The following ERBB4 variants were observed in gnomAD, a reference collection of about 807,000 sequenced individuals.
ERBB4 encodes the protein receptor tyrosine-protein kinase erbB-4.
In ERBB4, 42 loss-of-function variants were observed where a neutral mutation model predicts 158.0. The ratio of observed to expected loss-of-function variants is 0.27; its 90% confidence interval spans 0.21 to 0.34. ERBB4 has a LOEUF of 0.34. Among genes scored for constraint, ERBB4 ranks in the 10% least tolerant of loss-of-function variants. ERBB4 has a pLI of 1.00. For missense variants in ERBB4, 1,333 were observed against 1,624.1 expected (o/e 0.82, Z 3.08); for synonymous variants, 583 against 558.7 (o/e 1.04, Z -0.61).
rs565144596 is a variant in ERBB4 at position 211,664,726 on chromosome 2, T to C, written c.1871+597A>G. ...GAAAAAAAATTTACCAAGCTTCAGA[T>C]TGCCCTATATCAGTCAAAGAAATTC... On this transcript the variant is annotated intron_variant, in intron 15 of 27. Transcript: ENST00000342788. 7.3e-4 allele frequency among the ~76,000 whole-genome samples: 111 copies of C among 152,290 alleles called. 1 individual carries two copies. Among genetic ancestry groups the C allele is most frequent in the African/African-American group, 2.5e-3 (106 of 41,570 alleles).
chr2:211,990,783 C>CA (rs2082055293), intron 2 of ERBB4, among the ~76,000 whole-genome samples: 1 of 151,656 alleles, frequency 6.6e-6, no homozygotes, highest in African/African-American at 2.4e-5. Context: ...ATTTAGAAGA[C>CA]AAAACGTAAG....
At chr2:211,453,149 T>C (rs757845739) in intron 20 of ERBB4, among the ~76,000 whole-genome samples, 1 of 152,210 alleles carries the variant, frequency 6.6e-6, no homozygotes, top group Admixed American at 6.5e-5. Context: ...AAGTACTAGG[T>C]AATGCTTTCA....
intron 3 of ERBB4, among the ~76,000 whole-genome samples, chr2:211,894,651 G>C (rs1214454871): frequency 1.3e-5 from 2 of 152,158 alleles, no homozygotes; most frequent in Non-Finnish European, 2.9e-5. Flanking sequence ...TAGAGTTTGA[G>C]TCTTTTGGCA....
At chr2:212,079,443 A>G (rs1381498866) in intron 2 of ERBB4, among the ~76,000 whole-genome samples, 2 of 152,112 alleles carry the variant, frequency 1.3e-5, no homozygotes, top group Non-Finnish European at 1.5e-5. Context: ...GGAGGTATTC[A>G]TGCTTTCAAC....
At chr2:211,767,603 A>C (rs2075582741) in intron 4 of ERBB4, among the ~76,000 whole-genome samples, 1 of 152,140 alleles carries the variant, frequency 6.6e-6, no homozygotes, top group Non-Finnish European at 1.5e-5. Context: ...TCATGGCGGA[A>C]GGGGAAGCAA....
At chr2:212,498,930 A>G (rs1690729912) in intron 1 of ERBB4, among the ~76,000 whole-genome samples, 1 of 152,068 alleles carries the variant, frequency 6.6e-6, no homozygotes, top group South Asian at 2.1e-4. Context: ...CTATCTTTGA[A>G]GATTCTGGAC....
chr2:212,133,417 G>GTTTTTTTTTTTTTTTTTTTTT (rs1234790979), intron 1 of ERBB4, among the ~76,000 whole-genome samples: 1 of 135,510 alleles, frequency 7.4e-6, no homozygotes, highest in African/African-American at 3.1e-5. Context: ...GTTTTGTTTT[G>GTTTTTTTTTTTTTTTTTTTTT]TTTTTGTTTT....
chr2:211,836,817 A>C (rs2077353881), intron 3 of ERBB4, among the ~76,000 whole-genome samples: 1 of 151,962 alleles, frequency 6.6e-6, no homozygotes, highest in South Asian at 2.1e-4. Context: ...TAATATTATA[A>C]ATTAGAAAAG....
intron 1 of ERBB4, among the ~76,000 whole-genome samples, chr2:212,425,949 C>A (rs889572412): frequency 6.6e-6 from 1 of 151,954 alleles, no homozygotes; most frequent in Non-Finnish European, 1.5e-5. Flanking sequence ...GAATTAGCAG[C>A]TTTTTGGTTT....
At chr2:212,326,360 G>A (rs1033757224) in intron 1 of ERBB4, among the ~76,000 whole-genome samples, 49 of 150,360 alleles carry the variant, frequency 3.3e-4, no homozygotes, top group African/African-American at 1.1e-3. Context: ...TAAAGACCTC[G>A]TCTTCAAGCA....
chr2:211,742,984 T>G (rs1422971385), intron 5 of ERBB4, among the ~76,000 whole-genome samples: 1 of 152,058 alleles, frequency 6.6e-6, no homozygotes, highest in Non-Finnish European at 1.5e-5. Flanking sequence ...TCAAAAGAAC[T>G]TTTCTTTTGG....
In ERBB4 at chr2:212,196,870, G is replaced by A. The variant is rs202232587; in HGVS notation, c.83-71967C>T. 5.3e-4 allele frequency among the ~76,000 whole-genome samples: 81 copies of A among 152,206 alleles called. 1 individual carries two copies. Among genetic ancestry groups the A allele is most frequent in the East Asian group, 2.1e-3 (11 of 5,176 alleles). On this transcript the variant is annotated intron_variant, in intron 1 of 27. Coordinates refer to ENST00000342788, the MANE Select transcript of ERBB4 (RefSeq NM_005235.3). ...ACAGGAAATTCTTGGATTGACATAC[G>A]TGTATAAATCCAGAACTTTCAGATT...
At chr2:211,729,402 C>T (rs1457473617) in intron 5 of ERBB4, among the ~76,000 whole-genome samples, 1 of 151,354 alleles carries the variant, frequency 6.6e-6, no homozygotes, top group Non-Finnish European at 1.5e-5. Context: ...CCCTTAATTC[C>T]AAACGAAAAT....
At chr2:211,998,862 A>C (rs540248317) in intron 2 of ERBB4, among the ~76,000 whole-genome samples, 59 of 151,868 alleles carry the variant, frequency 3.9e-4, no homozygotes, top group African/African-American at 1.4e-3. Context: ...TTTACTATAC[A>C]CTGGAAAGCA....
chr2:212,136,485 C>A (rs1217365815), intron 1 of ERBB4, among the ~76,000 whole-genome samples: 1 of 152,182 alleles, frequency 6.6e-6, no homozygotes, highest in Non-Finnish European at 1.5e-5. Flanking sequence ...AAAGCATTCT[C>A]CAACCCAGGG....
At chr2:211,966,572 TTAAC>T (rs1324449283) in intron 2 of ERBB4, among the ~76,000 whole-genome samples, 1 of 152,164 alleles carries the variant, frequency 6.6e-6, no homozygotes, top group Admixed American at 6.6e-5. Flanking sequence ...ATGAAAAAGA[TTAAC>T]TATCTCTCTT....
chr2:211,997,669 G>T (rs1207960950), intron 2 of ERBB4, among the ~76,000 whole-genome samples: 1 of 151,390 alleles, frequency 6.6e-6, no homozygotes. Flanking sequence ...CCTCTTTCCC[G>T]CTCCCTCTCC....
At chr2:211,545,245 C>A (rs901904499) in intron 20 of ERBB4, among the ~76,000 whole-genome samples, 2 of 151,858 alleles carry the variant, frequency 1.3e-5, no homozygotes, top group Non-Finnish European at 2.9e-5. Context: ...TAGAAAAGAA[C>A]ACATCATAAG....
chr2:211,411,434 C>A (rs1440389626), intron 25 of ERBB4, among the ~76,000 whole-genome samples: 1 of 152,122 alleles, frequency 6.6e-6, no homozygotes, highest in Non-Finnish European at 1.5e-5. Flanking sequence ...CTTGGAAGGA[C>A]AAATGAATGC....
Sources: allele counts gnomAD v4.1 joint callset (sites outside exome capture counted in the v4.1 genomes callset), GRCh38; gene constraint gnomAD v4.1.1; transcripts MANE v1.5; gene names NCBI Gene and HGNC (gene_info 2026-07-23, HGNC 2026-07-21).